The following C4BPB variants were observed in gnomAD, a reference collection of about 807,000 sequenced individuals.
C4BPB encodes complement component 4 binding protein beta.
C4BPB carries 19 observed loss-of-function variants against 26.6 expected under a neutral mutation model. The observed-to-expected ratio is 0.71, with a 90% CI of 0.50 to 1.05. The LOEUF is 1.05. C4BPB is among the 50% of genes least tolerant of loss of function. C4BPB has a pLI of 0.00. For missense variants in C4BPB, 282 were observed against 302.9 expected (o/e 0.93, Z 0.51); for synonymous variants, 118 against 103.5 (o/e 1.14, Z -0.85).
chr1:207,090,699 C>T (rs982975149), intron 3 of C4BPB, among the ~76,000 whole-genome samples: 5 of 152,138 alleles, frequency 3.3e-5, no homozygotes, highest in Non-Finnish European at 5.9e-5. Flanking sequence ...AGAATCAATT[C>T]CCTCTATGGG....
In C4BPB at chr1:207,099,958, T is replaced by A. The variant is rs1170631950; in HGVS notation, c.*29T>A. 1 of 1,575,326 alleles carries A rather than the reference T, an allele frequency of 6.3e-7. No homozygotes were observed. The highest frequency in any genetic ancestry group is 2.0e-5 in the Admixed American group (1 of 50,450). ...TACAGCTGAGCAGATGTAATAGAAA[T>A]AAACCTATGAATAAATTTTCTTCTT... On this transcript the variant is annotated 3_prime_UTR_variant, in exon 7 of 7. Transcript: ENST00000367078.
In C4BPB at chr1:207,091,680, A is replaced by G; in HGVS notation, c.269A>G (p.Glu90Gly). The G allele has an allele frequency of 6.2e-7, 1 of 1,613,846 alleles. No homozygotes were observed. Residue 90 changes from glutamate to glycine, a missense_variant, in exon 4 of 7, where the codon GAG becomes GGG. Physicochemically the swap from Glu to Gly is moderately conservative, Grantham distance 98. Coordinates refer to ENST00000367078, the MANE Select transcript of C4BPB (RefSeq NM_001017365.3). ...CCTGATCCTGTGCTGGTGAATGGAG[A>G]GTTCAGTTCTTCAGGGCCTGTGAAT... ...HCPDPVLVNG[E>G]FSSSGPVNVS...
In C4BPB at chr1:207,099,043, C is replaced by T. The variant is rs564752305; in HGVS notation, c.619-746C>T. ...GGAGTGATGGGAGACAGTGACAGATCATCAGGCATTAGATTCTCATCTGGG... is the reference window on the plus strand; with the variant it reads ...GGAGTGATGGGAGACAGTGACAGATTATCAGGCATTAGATTCTCATCTGGG... On this transcript the variant is annotated intron_variant, in intron 6 of 6. Transcript: ENST00000367078. Among the ~76,000 whole-genome samples, 33 of 146,324 alleles carry T rather than the reference C, an allele frequency of 2.3e-4. No homozygotes were observed. In the South Asian group the frequency reaches 6.8e-3, roughly 30 times the overall value.
At chr1:207,097,732 T>C (rs867508257) in intron 5 of C4BPB, 1 of 171,038 alleles carries the variant, frequency 5.8e-6, no homozygotes, top group African/African-American at 2.4e-5. Context: ...ATTTTTCTGA[T>C]GAAAAGCAAT....
intron 4 of C4BPB, chr1:207,096,255 G>T: frequency 2.4e-6 from 1 of 412,054 alleles, no homozygotes; most frequent in South Asian, 2.8e-5. Context: ...AGCTCCTGCT[G>T]TCAGATAATA....
intron 4 of C4BPB, among the ~76,000 whole-genome samples, chr1:207,094,020 A>C (rs536257573): frequency 6.6e-6 from 1 of 152,324 alleles, no homozygotes; most frequent in Admixed American, 6.5e-5. Flanking sequence ...TGATTATAGA[A>C]CTGGAAATTA....
In C4BPB at chr1:207,099,892, A is replaced by G. The variant is rs1684400851; in HGVS notation, c.722A>G (p.Glu241Gly). Residue 241 changes from glutamate to glycine, a missense_variant, in exon 7 of 7, where the codon GAG becomes GGG. Transcript: ENST00000367078. ...ATGGAGGAGCTAAAATATTCTCTGG[A>G]GCTGAAGAAAGCTGAGTTGAAGGCA... ...MTMEELKYSL[E>G]LKKAELKAKL... The G allele has an allele frequency of 6.2e-7, 1 of 1,613,518 alleles. No individual in the cohort carries two copies. The highest frequency in any genetic ancestry group is 1.3e-5 in the African/African-American group (1 of 74,924).
intron 6 of C4BPB, among the ~76,000 whole-genome samples, chr1:207,098,534 T>C (rs1409912787): frequency 6.6e-6 from 1 of 152,172 alleles, no homozygotes; most frequent in Non-Finnish European, 1.5e-5. Flanking sequence ...TATAGAGCAG[T>C]GGTTCCCAAC....
Position 207,089,562 on chromosome 1 carries a change from G to T in C4BPB, c.31G>T (p.Val11Phe). The stretch of plus-strand genomic sequence containing the variant: ...TTTTTGGTGTGCGTGCTGTCTTATG[G>T]TTGCGTGGCGAGTTTCTGCTTCAGA... MFFWCACCLM[V>F]AWRVSASDAE... Residue 11 changes from valine to phenylalanine, a missense_variant, in exon 2 of 7, where the codon GTT becomes TTT. Val to Phe is a conservative substitution (Grantham distance 50). Transcript: ENST00000367078. 1 of 1,614,084 alleles carries T rather than the reference G, an allele frequency of 6.2e-7. No individual in the cohort carries two copies. The highest frequency in any genetic ancestry group is 8.5e-7 in the Non-Finnish European group (1 of 1,180,000).
chr1:207,093,728 A>G (rs1281701860), intron 4 of C4BPB, among the ~76,000 whole-genome samples: 1 of 152,164 alleles, frequency 6.6e-6, no homozygotes, highest in African/African-American at 2.4e-5. Flanking sequence ...GTTTCATAAA[A>G]CTCAGGAAGT....
chr1:207,093,666 A>G (rs1572756406), intron 4 of C4BPB, among the ~76,000 whole-genome samples: 2 of 152,294 alleles, frequency 1.3e-5, no homozygotes, highest in East Asian at 1.9e-4. Flanking sequence ...ATTAAAAGAA[A>G]ACATGAGATA....
chr1:207,099,301 G>C (rs1040813185), intron 6 of C4BPB, among the ~76,000 whole-genome samples: 1 of 152,188 alleles, frequency 6.6e-6, no homozygotes, highest in African/African-American at 2.4e-5. Flanking sequence ...GACCTGACAG[G>C]AGGTGGAGCT....
At chr1:207,098,486 T>C (rs1351353379) in intron 6 of C4BPB, among the ~76,000 whole-genome samples, 1 of 152,202 alleles carries the variant, frequency 6.6e-6, no homozygotes, top group Non-Finnish European at 1.5e-5. Context: ...AAATACCTCA[T>C]GAGACCCTGT....
At chr1:207,091,183 A>G (rs1460609968) in intron 3 of C4BPB, among the ~76,000 whole-genome samples, 4 of 152,190 alleles carry the variant, frequency 2.6e-5, no homozygotes, top group African/African-American at 9.7e-5. Flanking sequence ...TCCTTCATTC[A>G]TATAACCAAA....
intron 3 of C4BPB, among the ~76,000 whole-genome samples, chr1:207,091,308 C>T (rs1024668358): frequency 1.3e-5 from 2 of 152,160 alleles, no homozygotes; most frequent in Non-Finnish European, 2.9e-5. Flanking sequence ...GAAGGAAATA[C>T]TTGCTTCAAA....
intron 3 of C4BPB, among the ~76,000 whole-genome samples, chr1:207,091,161 C>A (rs1388324430): frequency 1.3e-5 from 2 of 152,170 alleles, no homozygotes; most frequent in Non-Finnish European, 2.9e-5. Flanking sequence ...GTAGAGCACA[C>A]CGATATTATT....
chr1:207,092,042 T>C (rs904211591), intron 4 of C4BPB, among the ~76,000 whole-genome samples: 5 of 152,198 alleles, frequency 3.3e-5, no homozygotes, highest in Admixed American at 3.3e-4. Flanking sequence ...ACATTTTTCC[T>C]TCTCAGATAG....
chr1:207,099,410 T>G (rs542502925), intron 6 of C4BPB, among the ~76,000 whole-genome samples: 1 of 152,206 alleles, frequency 6.6e-6, no homozygotes, highest in Non-Finnish European at 1.5e-5. Context: ...CAGTTCCTAA[T>G]AGTCCGTGGA....
chr1:207,098,497 T>C lies in C4BPB; in HGVS notation c.618+233T>C, dbSNP rs74148969. Among the ~76,000 whole-genome samples the C allele has an allele frequency of 1.6e-3, 241 of 152,306 alleles. 1 individual carries two copies. The highest frequency in any genetic ancestry group is 5.5e-3 in the African/African-American group (229 of 41,576). The stretch of plus-strand genomic sequence containing the variant: ...TCACAAATACCTCATGAGACCCTGT[T>C]GGTAGAAGTTGTTGTCTCATGTGCC... On this transcript the variant is annotated intron_variant, in intron 6 of 6. Transcript: ENST00000367078.
Sources: gnomAD v4.1 joint callset for allele counts (sites outside exome capture counted in the v4.1 genomes callset) on GRCh38, gnomAD v4.1.1 for gene constraint, MANE v1.5 for transcripts, NCBI Gene and HGNC (gene_info 2026-07-23, HGNC 2026-07-21) for gene names.